LRP12: variants seen among roughly 807,000 people sequenced by gnomAD.
The protein encoded by LRP12 is low-density lipoprotein receptor-related protein 12.
Under a neutral mutation model 66.0 loss-of-function variants are expected in LRP12, and 14 were observed. The ratio of observed to expected loss-of-function variants is 0.21; its 90% CI spans 0.14 to 0.33. LRP12 has a LOEUF of 0.33. LRP12 is among the 10% of genes least tolerant of loss of function. The probability of loss-of-function intolerance (pLI) is 1.00; values close to 1 mark genes in which losing one functional copy is unlikely to be tolerated. For missense variants in LRP12, 889 were observed against 1,053.4 expected, an observed-to-expected ratio of 0.84 and a Z score of 2.16; for synonymous variants, 357 against 359.1, an observed-to-expected ratio of 0.99 and a Z score of 0.07.
chr8:104,574,139 C>T (rs1812124516), intron 1 of LRP12, among the ~76,000 whole-genome samples: 1 of 152,042 alleles, frequency 6.6e-6, no homozygotes, highest in Non-Finnish European at 1.5e-5. Flanking sequence ...TAAGACAATG[C>T]CACTATTCTC....
chr8:104,553,587 G>A (rs1032673463), intron 1 of LRP12, among the ~76,000 whole-genome samples: 2 of 152,160 alleles, frequency 1.3e-5, no homozygotes, highest in Non-Finnish European at 2.9e-5. Flanking sequence ...GCTGCAGCAA[G>A]CCTTGCCCAA....
chr8:104,555,003 G>T (rs545870257), intron 1 of LRP12, among the ~76,000 whole-genome samples: 3 of 152,236 alleles, frequency 2.0e-5, no homozygotes, highest in African/African-American at 7.2e-5. Context: ...TATCAGCCAA[G>T]AATTCTGTAT....
At chr8:104,547,628 TAATA>T (rs1485127526) in intron 1 of LRP12, among the ~76,000 whole-genome samples, 3 of 125,762 alleles carry the variant, frequency 2.4e-5, no homozygotes, top group Non-Finnish European at 4.7e-5. Flanking sequence ...TATTAATATA[TAATA>T]AATATATATT....
intron 1 of LRP12, among the ~76,000 whole-genome samples, chr8:104,583,438 A>T (rs1812285872): frequency 6.6e-6 from 1 of 152,144 alleles, no homozygotes; most frequent in African/African-American, 2.4e-5. Context: ...ACAGTTAGCT[A>T]TGCTTTAGGT....
chr8:104,511,991 T>C (rs953106472), intron 2 of LRP12, among the ~76,000 whole-genome samples: 12 of 152,162 alleles, frequency 7.9e-5, no homozygotes, highest in Admixed American at 7.2e-4. Flanking sequence ...AAAAAGACTA[T>C]ATGTATCCAA....
chr8:104,535,131 C>T (rs991334676), intron 1 of LRP12, among the ~76,000 whole-genome samples: 1 of 151,596 alleles, frequency 6.6e-6, no homozygotes, highest in Non-Finnish European at 1.5e-5. Flanking sequence ...AGATTTTTCA[C>T]GTACGAAAAA....
chr8:104,520,804 C>A (rs1811136016), intron 2 of LRP12, among the ~76,000 whole-genome samples: 1 of 152,022 alleles, frequency 6.6e-6, no homozygotes, highest in Non-Finnish European at 1.5e-5. Flanking sequence ...AAAATTCATG[C>A]CTTGGCAAAA....
At chr8:104,581,743 C>T (rs182333307) in intron 1 of LRP12, among the ~76,000 whole-genome samples, 41 of 146,172 alleles carry the variant, frequency 2.8e-4, no homozygotes, top group African/African-American at 9.5e-4. Flanking sequence ...ATAATGTAGA[C>T]AAAAAAAAAA....
rs1812395613 is a variant in LRP12 at position 104,589,162 on chromosome 8, C to T, written c.-265G>A. ...GGGGCGGCCCTCCTGGGGGCAAGGG[C>T]AAGGAGCTCGCGCGCCAGCGCGAGA... On this transcript the variant is annotated 5_prime_UTR_variant, in exon 1 of 7. Transcript: ENST00000276654. The T allele has an allele frequency of 6.0e-6, 1 of 167,464 alleles. No homozygotes were observed. 10.4% of individuals were successfully genotyped at this position (167,464 alleles called of 1,614,324 possible). A position where few individuals can be genotyped will look rare whatever the true frequency, so the allele number is the denominator to read the frequency against.
chr8:104,529,347 A>G (rs1332676455), intron 2 of LRP12, among the ~76,000 whole-genome samples: 2 of 152,188 alleles, frequency 1.3e-5, no homozygotes, highest in Non-Finnish European at 2.9e-5. Flanking sequence ...AAATAAATTT[A>G]TGTTGTTTAA....
chr8:104,573,001 CGTAGTAGAAA>C, intron 1 of LRP12, among the ~76,000 whole-genome samples: 2 of 152,140 alleles, frequency 1.3e-5, no homozygotes, highest in Non-Finnish European at 2.9e-5. Flanking sequence ...CTTATTCTTA[CGTAGTAGAAA>C]AAATAATGTT....
chr8:104,503,320 G>A (rs1240954624), intron 3 of LRP12, among the ~76,000 whole-genome samples: 12 of 93,640 alleles, frequency 1.3e-4, no homozygotes, highest in Admixed American at 5.1e-4. Flanking sequence ...AAGCGAGACT[G>A]TGTCTCTCAA....
rs866005670 is a variant in LRP12, at chr8:104,548,265, T to C, written c.80-16302A>G. 2.6e-3 allele frequency among the ~76,000 whole-genome samples: 253 copies of C among 95,578 alleles called. 6 individuals carry two copies. The highest frequency in any genetic ancestry group is 0.014 in the Middle Eastern group (1 of 74). The allele number at this position is 95,578 out of a possible 152,430, so 62.7% of individuals were successfully genotyped here. A position where few individuals can be genotyped will look rare whatever the true frequency, so the allele number is the denominator to read the frequency against. ...ATACGATATATATTATATTAATATA[T>C]GATATATATTATATTAATATATCAT... On this transcript the variant is annotated intron_variant, in intron 1 of 6. Transcript: ENST00000276654.
At chr8:104,578,409 C>T (rs1213763697) in intron 1 of LRP12, among the ~76,000 whole-genome samples, 1 of 152,032 alleles carries the variant, frequency 6.6e-6, no homozygotes, top group East Asian at 1.9e-4. Flanking sequence ...AAACAGCCTA[C>T]CAACCAAAAA....
At chr8:104,553,263 A>G (rs535045974) in intron 1 of LRP12, among the ~76,000 whole-genome samples, 9 of 152,312 alleles carry the variant, frequency 5.9e-5, no homozygotes, top group African/African-American at 1.9e-4. Context: ...GTGCAGATAC[A>G]TGCACAGAAG....
intron 1 of LRP12, among the ~76,000 whole-genome samples, chr8:104,570,976 C>T (rs1470564193): frequency 6.6e-6 from 1 of 152,160 alleles, no homozygotes. Context: ...TGTTCAATAT[C>T]ATTAGCCATT....
At chr8:104,548,600 AATTATATAATTAAATTAATTATATAATT>A (rs1458704954) in intron 1 of LRP12, among the ~76,000 whole-genome samples, 9,271 of 111,556 alleles carry the variant, frequency 0.083, 567 homozygotes, top group African/African-American at 0.16. Context: ...TATAATATAG[AATTATATAATTAAATTAATTATATAATT>A]ATTATATAAT....
At chr8:104,535,025 T>TAA (rs35159534) in intron 1 of LRP12, among the ~76,000 whole-genome samples, 63 of 131,730 alleles carry the variant, frequency 4.8e-4, no homozygotes, top group Non-Finnish European at 7.1e-4. Flanking sequence ...TAGCAAATAC[T>TAA]AAAAAAAAAA....
At chr8:104,557,000 TA>T (rs1157540402) in intron 1 of LRP12, among the ~76,000 whole-genome samples, 1 of 151,822 alleles carries the variant, frequency 6.6e-6, no homozygotes, top group Non-Finnish European at 1.5e-5. Flanking sequence ...AAACAAAAAT[TA>T]AAAACAAAAA....
Sources: gnomAD v4.1 joint callset for allele counts (sites outside exome capture counted in the v4.1 genomes callset) on GRCh38, gnomAD v4.1.1 for gene constraint, MANE v1.5 for transcripts, NCBI Gene and HGNC (gene_info 2026-07-23, HGNC 2026-07-21) for gene names.